DPEP2: variants seen among roughly 807,000 people sequenced by gnomAD.
DPEP2 encodes dipeptidase 2.
A neutral mutation model predicts 51.8 loss-of-function variants in DPEP2; 45 were observed. The ratio of observed to expected loss-of-function variants is 0.87; its 90% CI spans 0.68 to 1.11. The LOEUF (loss-of-function observed/expected upper bound fraction) is 1.11, where lower values mean the gene tolerates loss of function less well. Among genes scored for constraint, DPEP2 ranks in the 50% most tolerant of loss-of-function variants. The pLI is 0.00. For missense variants in DPEP2, 604 were observed against 631.9 expected (o/e 0.96, Z 0.47); for synonymous variants, 255 against 262.7 (o/e 0.97, Z 0.28).
upstream of DPEP2, chr16:67,999,657 C>G (rs1227781527): frequency 1.9e-5 from 4 of 211,912 alleles, no homozygotes; most frequent in Non-Finnish European, 2.4e-5. Context: ...CATGGTGGCT[C>G]ATGCCTGTAA....
intron 9 of DPEP2, 111 bp from the exon 10 acceptor site, chr16:67,988,098 C>A: frequency 7.1e-7 from 1 of 1,414,794 alleles, no homozygotes; most frequent in Admixed American, 2.1e-5. Flanking sequence ...GAAGTGGAGA[C>A]TTGGAGAGAG....
chr16:67,992,791 G>C, intron 2 of DPEP2, 155 bp from the exon 3 acceptor site: 1 of 1,480,742 alleles, frequency 6.8e-7, no homozygotes, highest in Non-Finnish European at 9.0e-7. Flanking sequence ...GCCCACCCAA[G>C]AGGGGATGAC....
Position 67,990,991 on chromosome 16 carries a change from C to T in DPEP2, c.739G>A (p.Val247Met). 1 of 1,613,942 alleles carries T rather than the reference C, an allele frequency of 6.2e-7. No individual in the cohort carries two copies. The highest frequency in any genetic ancestry group is 8.5e-7 in the Non-Finnish European group (1 of 1,179,806). ...SGLTDFGEKV[V>M]AEMNRLGMMV... The stretch of plus-strand genomic sequence containing the variant: ...ATGCCCAGGCGGTTCATTTCTGCCA[C>T]CACCTTCTGCAGGGACATGTTGGGA... The change falls in exon 7 of 11, where the codon GTG (valine) becomes ATG (methionine). Residue 247 changes from valine to methionine, a missense_variant. By Grantham distance (21) the Val-to-Met change is conservative. Transcript: ENST00000393847.
chr16:67,998,293 G>A (rs1386707070), intron 1 of DPEP2, among the ~76,000 whole-genome samples: 1 of 148,790 alleles, frequency 6.7e-6, no homozygotes, highest in Non-Finnish European at 1.5e-5. Context: ...TGGGCTTGGC[G>A]GGCCCGCACT....
In DPEP2 at chr16:67,987,665, A is replaced by G. The variant is rs752247398; in HGVS notation, c.1302T>C (p.Arg434=). 6.2e-7 allele frequency: 1 copy of G among 1,614,198 alleles called. No individual in the cohort carries two copies. Among genetic ancestry groups the G allele is most frequent in the Non-Finnish European group, 8.5e-7 (1 of 1,180,024 alleles). The change falls in exon 11 of 11, where the codon CGT becomes CGC. Residue 434 remains arginine, a synonymous_variant. Coordinates refer to ENST00000393847, the MANE Select transcript of DPEP2 (RefSeq NM_022355.4). ...GGCCTGAAGTCAGACTCTGTCTCTG[A>G]CGCAGACGTGAGAGGTCGGAGTGGC... ...SSCHSDLSRL[R]QRQSLTSGQE... is the part of the protein sequence containing the mutation.
At chr16:67,993,945 C>A in intron 1 of DPEP2, 1 of 985,564 alleles carries the variant, frequency 1.0e-6, no homozygotes, top group Non-Finnish European at 1.2e-6. Context: ...CCGCCCCCCG[C>A]CCCGACCGCA....
In DPEP2 at chr16:67,993,028, G is replaced by A. The variant is rs2032376133; in HGVS notation, c.185C>T (p.Thr62Ile). The change falls in exon 2 of 11, where the codon ACC (threonine) becomes ATC (isoleucine). Residue 62 changes from threonine to isoleucine, a missense_variant. Coordinates refer to ENST00000393847, the MANE Select transcript of DPEP2 (RefSeq NM_022355.4). ...HTMPGTYAPSTTLSSPSTQGL... is the reference protein window; with the variant it reads ...HTMPGTYAPSITLSSPSTQGL... Reference sequence around the variant, plus strand: ...CTGGGTGCTGGGACTACTGAGTGTGGTCGAGGGAGCGTAGGTGCCCGGCAT... The same window carrying A: ...CTGGGTGCTGGGACTACTGAGTGTGATCGAGGGAGCGTAGGTGCCCGGCAT... 4 of 1,593,426 alleles carry A rather than the reference G, an allele frequency of 2.5e-6. No homozygotes were observed. Among genetic ancestry groups the A allele is most frequent in the Middle Eastern group, 1.7e-4 (1 of 5,996 alleles).
intron 1 of DPEP2, chr16:67,993,985 C>T: frequency 1.0e-6 from 1 of 985,398 alleles, no homozygotes; most frequent in Middle Eastern, 5.2e-4. Flanking sequence ...GGAAAGAGCT[C>T]CTTCCTAAGG....
chr16:67,994,100 A>C, intron 1 of DPEP2: 3 of 985,420 alleles, frequency 3.0e-6, no homozygotes, highest in Non-Finnish European at 3.6e-6. Context: ...CCACACAGCC[A>C]TCTGCATGGA....
chr16:67,992,706 A>G (rs2032328226), intron 2 of DPEP2, 70 bp from the exon 3 acceptor site: 1 of 1,571,638 alleles, frequency 6.4e-7, no homozygotes, highest in Non-Finnish European at 8.7e-7. Context: ...CAGTTCAGGA[A>G]GGACACATCT....
At chr16:67,999,521 C>G, upstream of DPEP2, 9 of 986,160 alleles carry the variant, frequency 9.1e-6, no homozygotes, top group Non-Finnish European at 9.6e-6. Context: ...ACAGAGATGG[C>G]TTTGGGTGAG....
intron 1 of DPEP2, 68 bp from the exon 2 acceptor site, chr16:67,993,325 G>C: frequency 2.3e-6 from 3 of 1,327,792 alleles, no homozygotes; most frequent in Non-Finnish European, 2.9e-6. Flanking sequence ...GCCACCTGGC[G>C]GCGTGGCCTC....
intron 3 of DPEP2, 69 bp downstream of exon 3, chr16:67,992,441 C>T (rs1311740206): frequency 1.3e-6 from 2 of 1,554,778 alleles, no homozygotes; most frequent in East Asian, 4.5e-5. Context: ...CTTGTGATCT[C>T]TGGGGTCCCC....
chr16:67,988,390 C>G lies in DPEP2; in HGVS notation c.1071-403G>C, dbSNP rs1399192684. On this transcript the variant is annotated intron_variant, in intron 9 of 10. Coordinates refer to ENST00000393847, the MANE Select transcript of DPEP2 (RefSeq NM_022355.4). Reference sequence around the variant, plus strand: ...TGAAACCCAATCTCTACTAAAAAGACAAAAAAGAAAGAAAGAAAGAAAGGA... The same window carrying G: ...TGAAACCCAATCTCTACTAAAAAGAGAAAAAAGAAAGAAAGAAAGAAAGGA... 2.3e-5 allele frequency among the ~76,000 whole-genome samples: 3 copies of G among 132,704 alleles called. No individual in the cohort carries two copies. The East Asian group carries it at 6.3e-4, about 28-fold the overall frequency. The allele number at this position is 132,704 out of a possible 152,430, so 87.1% of individuals were successfully genotyped here.
Position 67,990,977 on chromosome 16 carries a change from G to T in DPEP2, c.753C>A (p.Asn251Lys). ...DFGEKVVAEMNRLGMMVDLSH... is the reference protein window; with the variant it reads ...DFGEKVVAEMKRLGMMVDLSH... ...ATAAGTCTACCATCATGCCCAGGCG[G>T]TTCATTTCTGCCACCACCTTCTGCA... The change falls in exon 7 of 11, where the codon AAC becomes AAA. Residue 251 changes from asparagine (N) to lysine (K), a missense_variant. Transcript: ENST00000393847. 2.5e-6 allele frequency: 4 copies of T among 1,614,114 alleles called. No homozygotes were observed. The highest frequency in any genetic ancestry group is 2.5e-6 in the Non-Finnish European group (3 of 1,179,924).
chr16:67,992,422 TG>T, intron 3 of DPEP2, 87 bp downstream of exon 3: 8 of 1,530,284 alleles, frequency 5.2e-6, no homozygotes, highest in Non-Finnish European at 6.2e-6. Context: ...TGAGTTCTCA[TG>T]TGACTAACTT....
chr16:68,000,197 T>A (rs1421468020), upstream of DPEP2, among the ~76,000 whole-genome samples: 1 of 152,046 alleles, frequency 6.6e-6, no homozygotes, highest in Non-Finnish European at 1.5e-5. Flanking sequence ...AAGGAGTAGG[T>A]GGGTGAACAG....
rs1004086118 is a variant in DPEP2 at position 67,993,222 on chromosome 16, G to A, written c.-10C>T. On this transcript the variant is annotated 5_prime_UTR_variant, in exon 2 of 11. Coordinates refer to ENST00000393847, the MANE Select transcript of DPEP2 (RefSeq NM_022355.4). ...GGCCGGAGGGCTGCATGTTGTGCAG[G>A]GCCGGGCAGGCAGGCAGGGGTGGCA... 7.0e-7 allele frequency: 1 copy of A among 1,435,840 alleles called. No individual in the cohort carries two copies. Among genetic ancestry groups the A allele is most frequent in the Non-Finnish European group, 9.2e-7 (1 of 1,090,830 alleles). 88.9% of individuals were successfully genotyped at this position (1,435,840 alleles called of 1,614,324 possible). A position where few individuals can be genotyped will look rare whatever the true frequency, so the allele number is the denominator to read the frequency against.
chr16:67,989,245 G>A lies in DPEP2; in HGVS notation c.1070+78C>T, dbSNP rs878952651. The A allele has an allele frequency of 2.6e-6, 4 of 1,511,504 alleles. No homozygotes were observed. In the Admixed American group the frequency reaches 6.8e-5, roughly 26 times the overall value. The allele number at this position is 1,511,504 out of a possible 1,614,324, so 93.6% of individuals were successfully genotyped here. A position where few individuals can be genotyped will look rare whatever the true frequency, so the allele number is the denominator to read the frequency against. On this transcript the variant is annotated intron_variant, in intron 9 of 10. Transcript: ENST00000393847. Reference sequence around the variant, plus strand: ...CCGGGAGTGTGGTCAAGGCCTAAAGGACGTGATGGCTATGGTGACCGTGAA... The same window carrying A: ...CCGGGAGTGTGGTCAAGGCCTAAAGAACGTGATGGCTATGGTGACCGTGAA...
Sources: allele counts gnomAD v4.1 joint callset (sites outside exome capture counted in the v4.1 genomes callset), GRCh38; gene constraint gnomAD v4.1.1; transcripts MANE v1.5; gene names NCBI Gene and HGNC (gene_info 2026-07-23, HGNC 2026-07-21).